Variants in EFL1 observed in about 807,000 individuals in gnomAD.
EFL1 encodes elongation factor-like GTPase 1.
Under a neutral mutation model 126.7 loss-of-function variants are expected in EFL1, and 76 were observed. That is an observed-to-expected ratio of 0.60 (90% CI 0.50 to 0.73). The LOEUF is 0.73. Among genes scored for constraint, EFL1 ranks in the 30% least tolerant of loss-of-function variants. The pLI, the probability that EFL1 is intolerant of heterozygous loss-of-function variation, is 0.00. For synonymous variants in EFL1, 410 were observed against 448.4 expected, an observed-to-expected ratio of 0.91 and a Z score of 1.08; for missense variants, 1,128 against 1,343.2, an observed-to-expected ratio of 0.84 and a Z score of 2.50.
intron 15 of EFL1, among the ~76,000 whole-genome samples, chr15:82,204,812 G>T (rs938363052): frequency 2.6e-5 from 4 of 152,202 alleles, no homozygotes; most frequent in Non-Finnish European, 4.4e-5. Context: ...TCTCTGGCCT[G>T]CCCAGTGTTG....
chr15:82,207,263 CAT>C lies in EFL1; in HGVS notation c.1750+7452_1750+7453del, dbSNP rs201630940. On this transcript the variant is annotated intron_variant, in intron 15 of 19. Transcript: ENST00000268206. ...AAAACTAACCCTAATCTCAAGGTAA[CAT>C]ATATATATATTTATGTGTGTGTATA... 7.0e-3 allele frequency among the ~76,000 whole-genome samples: 1,020 copies of C among 145,040 alleles called. 14 individuals carry two copies. The highest frequency in any genetic ancestry group is 0.025 in the African/African-American group (976 of 38,440).
chr15:82,154,974 C>G (rs2073952293), intron 17 of EFL1, among the ~76,000 whole-genome samples: 1 of 152,102 alleles, frequency 6.6e-6, no homozygotes, highest in Non-Finnish European at 1.5e-5. Context: ...GTTACCCAAC[C>G]TGGTGCACTA....
chr15:82,179,561 C>CT (rs2074228308), intron 15 of EFL1, among the ~76,000 whole-genome samples: 1 of 152,168 alleles, frequency 6.6e-6, no homozygotes, highest in African/African-American at 2.4e-5. Context: ...TAGACCACAG[C>CT]TTTTTTTCCT....
At chr15:82,198,006 T>C (rs1367262760) in intron 15 of EFL1, among the ~76,000 whole-genome samples, 1 of 152,202 alleles carries the variant, frequency 6.6e-6, no homozygotes, top group African/African-American at 2.4e-5. Flanking sequence ...TGTAGCACAG[T>C]AAAGCACAAA....
chr15:82,225,473 T>C (rs1472390468), intron 11 of EFL1, among the ~76,000 whole-genome samples: 3 of 152,176 alleles, frequency 2.0e-5, no homozygotes, highest in Admixed American at 1.3e-4. Flanking sequence ...GAGCAAACAG[T>C]TGGCAGAAAT....
Position 82,151,933 on chromosome 15 carries a change from C to T in EFL1, c.2521G>A (p.Glu841Lys), listed in dbSNP as rs1443193580. 3 of 1,614,112 alleles carry T rather than the reference C, an allele frequency of 1.9e-6. No individual in the cohort carries two copies. The highest frequency in any genetic ancestry group is 1.6e-4 in the Middle Eastern group (1 of 6,062). ...GTCCATACTGAGTTCTGAAAATCTT[C>T]ACTTTTATTGACTAGTATGTTGGGC... ...CGPNILVNKS[E>K]DFQNSVWTGP... The change falls in exon 18 of 20, where the codon GAA (glutamate) becomes AAA (lysine). Residue 841 changes from glutamate to lysine, a missense_variant. This residue lies in a region of EFL1 where 561 missense variants were observed against 641.7 expected (regional missense o/e 0.87). Coordinates refer to ENST00000268206, the MANE Select transcript of EFL1 (RefSeq NM_024580.6).
At chr15:82,146,208 T>C (rs763432656) in intron 18 of EFL1, among the ~76,000 whole-genome samples, 10 of 152,182 alleles carry the variant, frequency 6.6e-5, no homozygotes, top group Admixed American at 3.9e-4. Context: ...TATCCATTTA[T>C]AGGATTTCTT....
At chr15:82,191,259 T>G (rs974233544) in intron 15 of EFL1, among the ~76,000 whole-genome samples, 3 of 152,164 alleles carry the variant, frequency 2.0e-5, no homozygotes, top group African/African-American at 7.2e-5. Context: ...TACTAATTTC[T>G]AAAAAGGTTA....
chr15:82,203,481 T>TTCTCTGCC (rs777747981), intron 15 of EFL1, among the ~76,000 whole-genome samples: 44 of 152,276 alleles, frequency 2.9e-4, no homozygotes, highest in Non-Finnish European at 4.7e-4. Context: ...GTTCAAGCAA[T>TTCTCTGCC]TCTCTGCCTC....
chr15:82,247,740 A>T (rs146155639), intron 4 of EFL1, among the ~76,000 whole-genome samples: 2 of 152,098 alleles, frequency 1.3e-5, no homozygotes, highest in Non-Finnish European at 2.9e-5. Flanking sequence ...ATGTTTTCAC[A>T]GTAAGTTTTG....
intron 17 of EFL1, among the ~76,000 whole-genome samples, chr15:82,153,842 C>T (rs1232997247): frequency 6.6e-6 from 1 of 152,086 alleles, no homozygotes; most frequent in African/African-American, 2.4e-5. Flanking sequence ...CAATAAGATT[C>T]AATACCTATT....
At chr15:82,216,216 A>G (rs2074644781) in intron 14 of EFL1, among the ~76,000 whole-genome samples, 1 of 152,196 alleles carries the variant, frequency 6.6e-6, no homozygotes, top group East Asian at 1.9e-4. Flanking sequence ...TTCATGAAAA[A>G]CATTTAAAAT....
At chr15:82,215,706 C>G (rs1396352914) in intron 14 of EFL1, 3 of 152,070 alleles carry the variant, frequency 2.0e-5, no homozygotes, top group Non-Finnish European at 4.4e-5. Context: ...ACAACATAAA[C>G]AAAGAGATTA....
chr15:82,146,610 GAA>G (rs11345305), intron 18 of EFL1, among the ~76,000 whole-genome samples: 92 of 128,830 alleles, frequency 7.1e-4, no homozygotes, highest in East Asian at 1.1e-3. Flanking sequence ...ATCAATTCGA[GAA>G]AAAAAAAAAA....
intron 15 of EFL1, among the ~76,000 whole-genome samples, chr15:82,214,204 A>G (rs1339310287): frequency 6.6e-6 from 1 of 152,192 alleles, no homozygotes; most frequent in Non-Finnish European, 1.5e-5. Context: ...AATTCTGCAC[A>G]TGGGGGACAG....
intron 14 of EFL1, among the ~76,000 whole-genome samples, chr15:82,218,019 T>A (rs994442313): frequency 6.6e-6 from 1 of 152,204 alleles, no homozygotes; most frequent in African/African-American, 2.4e-5. Flanking sequence ...ATGAATTCTA[T>A]CAACAACCTT....
At chr15:82,214,429 G>C (rs1215409285) in intron 15 of EFL1, among the ~76,000 whole-genome samples, 2 of 152,136 alleles carry the variant, frequency 1.3e-5, no homozygotes, top group East Asian at 3.9e-4. Flanking sequence ...GACTTTATGT[G>C]AACAGGAATT....
chr15:82,261,642 C>T (rs758166664), intron 2 of EFL1, 46 bp downstream of exon 2: 2 of 1,552,136 alleles, frequency 1.3e-6, no homozygotes, highest in South Asian at 1.1e-5. Flanking sequence ...TACAGAGACA[C>T]ATCTCCCTTA....
At chr15:82,186,728 TG>T (rs1023311064) in intron 15 of EFL1, among the ~76,000 whole-genome samples, 1 of 152,210 alleles carries the variant, frequency 6.6e-6, no homozygotes, top group Non-Finnish European at 1.5e-5. Context: ...CAGACCTGAG[TG>T]TTCTATTCCA....
Sources: allele counts gnomAD v4.1 joint callset (sites outside exome capture counted in the v4.1 genomes callset), GRCh38; gene constraint gnomAD v4.1.1; regional missense constraint gnomAD v4.1.1; transcripts MANE v1.5; gene names NCBI Gene and HGNC (gene_info 2026-07-23, HGNC 2026-07-21).